DNAH3: variants seen among roughly 807,000 people sequenced by gnomAD.
DNAH3 encodes the protein dynein axonemal heavy chain 3, also known as axonemal beta dynein heavy chain 3.
In DNAH3, 332 loss-of-function variants were observed where a neutral mutation model predicts 432.5. That is an observed-to-expected ratio of 0.77 (90% CI 0.70 to 0.84). DNAH3 has a LOEUF of 0.84. Ranked by LOEUF, DNAH3 falls within the 40% of genes least tolerant of loss-of-function variation. DNAH3 has a pLI of 0.00. For missense variants in DNAH3, 4,861 were observed against 5,114.0 expected, an observed-to-expected ratio of 0.95 and a Z score of 1.51; for synonymous variants, 1,956 against 1,900.2, an observed-to-expected ratio of 1.03 and a Z score of -0.76.
chr16:21,136,200 G>T (rs2092640722), intron 6 of DNAH3, 124 bp downstream of exon 7: 2 of 900,936 alleles, frequency 2.2e-6, no homozygotes, highest in Non-Finnish European at 1.7e-6. Context: ...GATTGCTTGA[G>T]CCCAGGAGTT....
exon 3 of DNAH3, chr16:21,145,238 G>C: frequency 6.2e-7 from 1 of 1,613,432 alleles, no homozygotes. Context: ...GTGGCCGGTT[G>C]GTAGACCTTC....
chr16:20,964,974 C>G, exon 53 of DNAH3: 3 of 1,614,186 alleles, frequency 1.9e-6, no homozygotes, highest in Non-Finnish European at 1.7e-6. Flanking sequence ...GACCACTGAT[C>G]AGTTTCTCTG....
chr16:21,037,819 C>A lies in DNAH3; in HGVS notation c.4892G>T (p.Arg1631Leu), dbSNP rs551958524. Residue 1631 changes from arginine (R) to leucine (L), a missense_variant, in exon 34 of 62, where the codon CGG (arginine) becomes CTG (leucine). Transcript: ENST00000261383. ...GGCCAGATTGACATCAAGCAATGCC[C>A]GGAGCAGCAGGACACTTTCATTCTC... 90 of 1,614,110 alleles carry A rather than the reference C, an allele frequency of 5.6e-5. 2 individuals are homozygous for A. The South Asian group carries it at 6.3e-4, about 11-fold the overall frequency.
intron 18 of DNAH3, among the ~76,000 whole-genome samples, chr16:21,096,457 T>G (rs911394071): frequency 3.3e-5 from 5 of 152,254 alleles, no homozygotes; most frequent in African/African-American, 1.2e-4. Context: ...TGTCCTCTGT[T>G]CTTCAACACC....
intron 44 of DNAH3, among the ~76,000 whole-genome samples, chr16:20,989,360 T>C (rs1033406837): frequency 1.3e-5 from 2 of 151,620 alleles, no homozygotes; most frequent in Admixed American, 6.6e-5. Context: ...CTCACAAACC[T>C]TGAGCTAAAC....
intron 25 of DNAH3, among the ~76,000 whole-genome samples, chr16:21,061,321 C>T (rs886295454): frequency 4.2e-5 from 6 of 141,792 alleles, no homozygotes; most frequent in East Asian, 2.1e-4. Flanking sequence ...TTGCAACTTC[C>T]GCCTCCTGGG....
At chr16:21,044,875 T>TA (rs2089622449) in intron 31 of DNAH3, among the ~76,000 whole-genome samples, 2 of 125,536 alleles carry the variant, frequency 1.6e-5, no homozygotes, top group South Asian at 6.1e-4. Flanking sequence ...TGAGAGTTTT[T>TA]AGCATGAAGG....
At chr16:21,147,902 C>T (rs186095419) in intron 1 of DNAH3, among the ~76,000 whole-genome samples, 134 of 152,372 alleles carry the variant, frequency 8.8e-4, no homozygotes, top group African/African-American at 3.1e-3. Context: ...CTTGTTCCAA[C>T]ACTAGAAGAA....
At chr16:21,112,121 A>G (rs766271840) in intron 12 of DNAH3, 23 bp from the exon 13 acceptor site, 1 of 1,503,778 alleles carries the variant, frequency 6.6e-7, no homozygotes. Flanking sequence ...AGGGTGTGAA[A>G]TCAAACACAC....
intron 1 of DNAH3, among the ~76,000 whole-genome samples, chr16:21,153,403 G>A (rs1304243621): frequency 6.6e-6 from 1 of 152,060 alleles, no homozygotes; most frequent in African/African-American, 2.4e-5. Flanking sequence ...ATCTGGTGGG[G>A]ACTTGGAGAA....
chr16:20,955,506 C>A (rs996533297), intron 54 of DNAH3, among the ~76,000 whole-genome samples: 1 of 151,728 alleles, frequency 6.6e-6, no homozygotes, highest in African/African-American at 2.4e-5. Flanking sequence ...CTCTATGTTG[C>A]CCAGGCTGGT....
intron 19 of DNAH3, among the ~76,000 whole-genome samples, chr16:21,083,527 G>A (rs1017103082): frequency 4.6e-5 from 7 of 152,128 alleles, no homozygotes; most frequent in Admixed American, 3.9e-4. Context: ...CTTCCATTTC[G>A]TTTGAAACCA....
intron 36 of DNAH3, among the ~76,000 whole-genome samples, chr16:21,033,591 A>T (rs1053521070): frequency 1.3e-5 from 2 of 152,186 alleles, no homozygotes; most frequent in Admixed American, 1.3e-4. Context: ...GGAGGGAAAA[A>T]ACTAAAGGGA....
intron 55 of DNAH3, 39 bp downstream of exon 55, chr16:20,954,774 C>A: frequency 6.2e-7 from 1 of 1,602,638 alleles, no homozygotes; most frequent in African/African-American, 1.3e-5. Context: ...GTCTGATATC[C>A]TTTCCCTCAG....
At chr16:21,069,163 T>C (rs2090685665) in intron 23 of DNAH3, among the ~76,000 whole-genome samples, 2 of 152,146 alleles carry the variant, frequency 1.3e-5, no homozygotes. Context: ...CAGGCTGGTC[T>C]GGAACTCTTG....
At chr16:21,029,483 C>T (rs760945575) in intron 37 of DNAH3, among the ~76,000 whole-genome samples, 6 of 152,136 alleles carry the variant, frequency 3.9e-5, no homozygotes, top group African/African-American at 9.7e-5. Context: ...ATCTAATCTT[C>T]GTAACAGTAT....
chr16:21,110,459 A>G (rs2092044149), intron 14 of DNAH3, among the ~76,000 whole-genome samples: 1 of 152,210 alleles, frequency 6.6e-6, no homozygotes, highest in South Asian at 2.1e-4. Context: ...GAGCTGCAGA[A>G]GCCCATAAAC....
At chr16:21,042,587 T>A (rs572183924) in intron 31 of DNAH3, among the ~76,000 whole-genome samples, 1 of 152,338 alleles carries the variant, frequency 6.6e-6, no homozygotes, top group South Asian at 2.1e-4. Context: ...ACTTCTACTA[T>A]AGACTTTTAG....
chr16:21,091,409 A>G (rs549406031), intron 18 of DNAH3, among the ~76,000 whole-genome samples: 2 of 152,308 alleles, frequency 1.3e-5, no homozygotes, highest in East Asian at 3.9e-4. Context: ...CACCAGAATC[A>G]ACAAAACAAA....
Sources: allele counts gnomAD v4.1 joint callset (sites outside exome capture counted in the v4.1 genomes callset), GRCh38; gene constraint gnomAD v4.1.1; transcripts MANE v1.5; gene names NCBI Gene and HGNC (gene_info 2026-07-23, HGNC 2026-07-21).